The following CA8 variants were observed in gnomAD, a reference collection of about 807,000 sequenced individuals.
The protein encoded by CA8 is carbonic anhydrase-related protein.
CA8 carries 22 observed loss-of-function variants against 41.4 expected under a neutral mutation model. The observed-to-expected ratio is 0.53, with a 90% CI of 0.38 to 0.76. The LOEUF (loss-of-function observed/expected upper bound fraction) is 0.76. Among genes scored for constraint, CA8 ranks in the 30% least tolerant of loss-of-function variants. The pLI is 0.00. For synonymous variants in CA8, 121 were observed against 130.6 expected, an observed-to-expected ratio of 0.93 and a Z score of 0.50; for missense variants, 270 against 352.8, an observed-to-expected ratio of 0.77 and a Z score of 1.88.
At chr8:60,214,358 C>A (rs1416476474) in intron 7 of CA8, among the ~76,000 whole-genome samples, 1 of 152,154 alleles carries the variant, frequency 6.6e-6, no homozygotes, top group Non-Finnish European at 1.5e-5. Context: ...GGCCTAAACA[C>A]CTCTTAAAGG....
At position 60,232,828 on chromosome 8, in the gene CA8, T is replaced by C. The variant is rs549022434; in HGVS notation, c.418-449A>G. ...GTACAAAGCCAGTTTCCAGTTCCAG[T>C]AAATTATTTCAACTTTCTAAGAATA... On this transcript the variant is annotated intron_variant, in intron 3 of 8. Coordinates refer to ENST00000317995, the MANE Select transcript of CA8 (RefSeq NM_004056.6). Among the ~76,000 whole-genome samples the C allele has an allele frequency of 2.6e-5, 4 of 152,216 alleles. No individual in the cohort carries two copies. In the South Asian group the frequency reaches 8.3e-4, roughly 32 times the overall value.
At chr8:60,237,767 G>C (rs137989750) in intron 3 of CA8, among the ~76,000 whole-genome samples, 143 of 152,280 alleles carry the variant, frequency 9.4e-4, no homozygotes, top group African/African-American at 3.2e-3. Context: ...AAAAGGTTTG[G>C]CCTCCTCCTA....
At chr8:60,249,039 A>G (rs1239181593) in intron 3 of CA8, among the ~76,000 whole-genome samples, 2 of 152,138 alleles carry the variant, frequency 1.3e-5, no homozygotes, top group Non-Finnish European at 2.9e-5. Flanking sequence ...ATGGGAGTTT[A>G]TTCAAGATTT....
chr8:60,216,031 A>G (rs904319188), intron 7 of CA8, among the ~76,000 whole-genome samples: 2 of 152,242 alleles, frequency 1.3e-5, no homozygotes, highest in African/African-American at 4.8e-5. Context: ...TTAATTTCTC[A>G]ATATAATCAG....
intron 2 of CA8, among the ~76,000 whole-genome samples, chr8:60,269,271 G>A (rs1300979069): frequency 3.3e-5 from 5 of 152,114 alleles, no homozygotes; most frequent in Non-Finnish European, 5.9e-5. Context: ...TCTCAGAAGG[G>A]GTAGCCTTTT....
chr8:60,272,582 C>G (rs1472855052), intron 2 of CA8, among the ~76,000 whole-genome samples: 3 of 152,152 alleles, frequency 2.0e-5, no homozygotes, highest in Non-Finnish European at 2.9e-5. Flanking sequence ...TTTGTGCAAG[C>G]TGTCCCTTCT....
chr8:60,226,913 A>G lies in CA8; in HGVS notation c.536T>C (p.Leu179Ser). The G allele has an allele frequency of 6.2e-7, 1 of 1,604,208 alleles. No homozygotes were observed. The highest frequency in any genetic ancestry group is 8.5e-7 in the Non-Finnish European group (1 of 1,171,202). The change falls in exon 5 of 9, where the codon TTG (leucine) becomes TCG (serine). Residue 179 changes from leucine (L) to serine (S), a missense_variant. Physicochemically the swap from Leu to Ser is moderately radical, Grantham distance 145 (BLOSUM62 -2). Transcript: ENST00000317995. ...FVQIGKEHVG[L>S]KAVTEILQDI... ...TTGGAGGATTTCAGTCACAGCCTTCAAGCCAACATGTTCCTTTCCTATCTG... is the reference window on the plus strand; with the variant it reads ...TTGGAGGATTTCAGTCACAGCCTTCGAGCCAACATGTTCCTTTCCTATCTG...
chr8:60,229,540 A>G (rs1365419668), intron 4 of CA8, among the ~76,000 whole-genome samples: 1 of 152,150 alleles, frequency 6.6e-6, no homozygotes, highest in African/African-American at 2.4e-5. Flanking sequence ...TGACTTCAGC[A>G]TTCAGGGGGT....
intron 3 of CA8, among the ~76,000 whole-genome samples, chr8:60,251,694 G>A (rs926492376): frequency 6.6e-6 from 1 of 152,180 alleles, no homozygotes; most frequent in Non-Finnish European, 1.5e-5. Flanking sequence ...GGTTAGAAGA[G>A]AAGGCCAAAG....
intron 3 of CA8, among the ~76,000 whole-genome samples, chr8:60,248,024 CAT>C (rs890138983): frequency 8.6e-5 from 13 of 151,216 alleles, no homozygotes; most frequent in African/African-American, 1.7e-4. Flanking sequence ...AGCTTTTTTT[CAT>C]ATGTTTGTTG....
intron 3 of CA8, among the ~76,000 whole-genome samples, chr8:60,253,646 C>A (rs1444546527): frequency 6.6e-6 from 1 of 152,060 alleles, no homozygotes; most frequent in Non-Finnish European, 1.5e-5. Context: ...GGAGTTAGGC[C>A]CTCCTCAACT....
At chr8:60,196,544 G>T (rs1806287009) in intron 8 of CA8, among the ~76,000 whole-genome samples, 1 of 152,054 alleles carries the variant, frequency 6.6e-6, no homozygotes, top group Admixed American at 6.6e-5. Context: ...ATGCATGACA[G>T]ACATAAAAAA....
Sources: allele counts gnomAD v4.1 joint callset (sites outside exome capture counted in the v4.1 genomes callset), GRCh38; gene constraint gnomAD v4.1.1; transcripts MANE v1.5; gene names NCBI Gene and HGNC (gene_info 2026-07-23, HGNC 2026-07-21).